ARHGAP35: variants seen among roughly 807,000 people sequenced by gnomAD.
ARHGAP35 encodes Rho GTPase activating protein 35, also known as rho GTPase-activating protein 35.
A neutral mutation model predicts 111.1 loss-of-function variants in ARHGAP35; 15 were observed. The observed-to-expected ratio is 0.13, with a 90% CI of 0.09 to 0.21. The LOEUF (loss-of-function observed/expected upper bound fraction) is 0.21. Ranked by LOEUF, ARHGAP35 falls within the 10% of genes least tolerant of loss-of-function variation. The pLI is 1.00. For missense variants in ARHGAP35, 1,262 were observed against 1,873.0 expected (o/e 0.67, Z 6.02); for synonymous variants, 643 against 710.3 (o/e 0.91, Z 1.51).
At chr19:46,928,901 C>T (rs2122212536) in intron 2 of ARHGAP35, among the ~76,000 whole-genome samples, 1 of 151,910 alleles carries the variant, frequency 6.6e-6, no homozygotes, top group Middle Eastern at 3.4e-3. Context: ...CACTGCACTC[C>T]AGCCTGGGCA....
rs898276592 is a variant in ARHGAP35 at position 46,945,175 on chromosome 19, G to C, written c.3826+7767G>C. 2.6e-5 allele frequency among the ~76,000 whole-genome samples: 4 copies of C among 151,890 alleles called. No homozygotes were observed. The highest frequency in any genetic ancestry group is 5.9e-5 in the Non-Finnish European group (4 of 67,996). On this transcript the variant is annotated intron_variant, in intron 3 of 6. Transcript: ENST00000672722. The surrounding 1 kb of genome is among the most constrained non-coding windows in gnomAD (Gnocchi z 4.1). The stretch of plus-strand genomic sequence containing the variant: ...AGAGTGGGAAGGAGGCGGGGTTGAG[G>C]GGGAGCTTAGGAGGCGGGGTTGAGG...
intron 1 of ARHGAP35, among the ~76,000 whole-genome samples, chr19:46,864,589 C>T (rs748772836): frequency 6.6e-6 from 1 of 152,192 alleles, no homozygotes; most frequent in Non-Finnish European, 1.5e-5. Context: ...AGAGTTGGAC[C>T]ATTCACTCAT....
chr19:46,866,126 C>G (rs1328404955), intron 1 of ARHGAP35, among the ~76,000 whole-genome samples: 1 of 152,218 alleles, frequency 6.6e-6, no homozygotes, highest in Non-Finnish European at 1.5e-5. Context: ...CAGGCACGAG[C>G]TACTGCGCCT....
intron 1 of ARHGAP35, among the ~76,000 whole-genome samples, chr19:46,911,329 AT>A (rs1180061154): frequency 2.0e-5 from 3 of 151,964 alleles, no homozygotes; most frequent in African/African-American, 4.8e-5. Context: ...TGGTTTGGCT[AT>A]TTTTTTTAAG....
chr19:46,864,933 C>G (rs1478320524), intron 1 of ARHGAP35, among the ~76,000 whole-genome samples: 1 of 151,970 alleles, frequency 6.6e-6, no homozygotes, highest in Non-Finnish European at 1.5e-5. Flanking sequence ...AATGTGTGTC[C>G]CAGAGTTTTA....
intron 5 of ARHGAP35, among the ~76,000 whole-genome samples, chr19:46,990,529 G>C (rs2056674302): frequency 6.6e-6 from 1 of 152,202 alleles, no homozygotes; most frequent in Non-Finnish European, 1.5e-5. Flanking sequence ...GCTGCAGAAG[G>C]GAGTGTCTCT....
rs939728443 is a variant in ARHGAP35, at chr19:46,945,143, G to A, written c.3826+7735G>A. Among the ~76,000 whole-genome samples, 1 of 152,168 alleles carries A rather than the reference G, an allele frequency of 6.6e-6. No individual in the cohort carries two copies. Among genetic ancestry groups the A allele is most frequent in the Non-Finnish European group, 1.5e-5 (1 of 68,032 alleles). ...TCACTGCCACAGCTGCTCTGGGACC[G>A]CCACTGAGAGTGGGAAGGAGGCGGG... On this transcript the variant is annotated intron_variant, in intron 3 of 6. Coordinates refer to ENST00000672722, the MANE Select transcript of ARHGAP35 (RefSeq NM_004491.5). This position sits in a 1 kb window ranked among gnomAD's most constrained non-coding sequence, Gnocchi z 4.1.
At chr19:46,879,216 G>A (rs1053609975) in intron 1 of ARHGAP35, among the ~76,000 whole-genome samples, 2 of 152,072 alleles carry the variant, frequency 1.3e-5, no homozygotes, top group African/African-American at 4.8e-5. Context: ...CCAGCTCTTC[G>A]GAAGGCCGAG....
At position 46,891,053 on chromosome 19, in the gene ARHGAP35, A is replaced by G. The variant is rs898139267; in HGVS notation, c.-188-27435A>G. ...GAGGTAGGATAGTTGGGCTTTGGAA[A>G]TCAAAATACCAGAGTTCCAAACCCA... On this transcript the variant is annotated intron_variant, in intron 1 of 6. Transcript: ENST00000672722. Among the ~76,000 whole-genome samples, 5 of 152,164 alleles carry G rather than the reference A, an allele frequency of 3.3e-5. No individual in the cohort carries two copies. In the South Asian group the frequency reaches 1.0e-3, roughly 32 times the overall value.
chr19:46,888,294 AT>A (rs2056004616), intron 1 of ARHGAP35, among the ~76,000 whole-genome samples: 3 of 64,758 alleles, frequency 4.6e-5, no homozygotes, highest in South Asian at 4.3e-4. Context: ...ATATATATAT[AT>A]ATATATATAT....
chr19:46,905,555 A>G (rs867909550), intron 1 of ARHGAP35, among the ~76,000 whole-genome samples: 2 of 103,872 alleles, frequency 1.9e-5, no homozygotes, highest in Non-Finnish European at 1.9e-5. Flanking sequence ...TTTGTATTCC[A>G]CCCCCCCCCC....
At chr19:46,991,608 C>T (rs918905432) in intron 5 of ARHGAP35, among the ~76,000 whole-genome samples, 1 of 152,182 alleles carries the variant, frequency 6.6e-6, no homozygotes, top group African/African-American at 2.4e-5. Flanking sequence ...CGGTACTCAG[C>T]GGGGGCTCCG....
intron 3 of ARHGAP35, among the ~76,000 whole-genome samples, chr19:46,956,650 A>G (rs992391990): frequency 2.0e-5 from 3 of 152,118 alleles, no homozygotes; most frequent in Non-Finnish European, 4.4e-5. Context: ...TCTGGTCCCA[A>G]CTATTTTGGT....
intron 1 of ARHGAP35, among the ~76,000 whole-genome samples, chr19:46,873,460 C>G (rs751605716): frequency 2.0e-5 from 3 of 151,764 alleles, no homozygotes; most frequent in Admixed American, 2.0e-4. Flanking sequence ...TGGTGAAACC[C>G]CATCTCTACT....
intron 1 of ARHGAP35, among the ~76,000 whole-genome samples, chr19:46,878,131 C>G (rs780597415): frequency 1.2e-4 from 18 of 152,140 alleles, no homozygotes; most frequent in Non-Finnish European, 2.2e-4. Context: ...TTAAGCGAGT[C>G]TCTCTCAGCA....
intron 3 of ARHGAP35, among the ~76,000 whole-genome samples, chr19:46,983,361 A>G (rs2056631460): frequency 6.6e-6 from 1 of 152,162 alleles, no homozygotes; most frequent in Non-Finnish European, 1.5e-5. Context: ...GAGAACTGCT[A>G]TGAAAAGGCA....
chr19:46,993,259 G>A lies in ARHGAP35; in HGVS notation c.4036+3584G>A, dbSNP rs547405140. On this transcript the variant is annotated intron_variant, in intron 5 of 6. Transcript: ENST00000672722. The surrounding 1 kb of genome is among the most constrained non-coding windows in gnomAD (Gnocchi z 4.6). The stretch of plus-strand genomic sequence containing the variant: ...GAGCCGACGCCGGACGAGCCTGCGT[G>A]ATCACTGAAGGGCTGTGACCTTGAG... Among the ~76,000 whole-genome samples the A allele has an allele frequency of 1.3e-4, 20 of 152,242 alleles. No homozygotes were observed. The South Asian group carries it at 2.5e-3, about 19-fold the overall frequency.
intron 1 of ARHGAP35, among the ~76,000 whole-genome samples, chr19:46,916,152 T>A (rs1309701358): frequency 6.6e-6 from 1 of 152,060 alleles, no homozygotes; most frequent in East Asian, 1.9e-4. Context: ...GCCAGGATGG[T>A]CTTGATCTCC....
In ARHGAP35 at chr19:46,918,920, C is replaced by T; in HGVS notation, c.245C>T (p.Ser82Phe). The change falls in exon 2 of 7, where the codon TCC becomes TTC. Residue 82 changes from serine (S) to phenylalanine (F), a missense_variant. Coordinates refer to ENST00000672722, the MANE Select transcript of ARHGAP35 (RefSeq NM_004491.5). The surrounding 1 kb of genome is among the most constrained non-coding windows in gnomAD (Gnocchi z 5.4). The part of the protein sequence containing the change: ...HFLYWGEVSR[S>F]LEDCVECKMH... ...CTCTACTGGGGAGAAGTTAGCCGCTCCCTGGAGGATTGTGTGGAATGTAAG... is the reference window on the plus strand; with the variant it reads ...CTCTACTGGGGAGAAGTTAGCCGCTTCCTGGAGGATTGTGTGGAATGTAAG... 1 of 1,613,920 alleles carries T rather than the reference C, an allele frequency of 6.2e-7. No individual in the cohort carries two copies. The highest frequency in any genetic ancestry group is 8.5e-7 in the Non-Finnish European group (1 of 1,179,896).
Sources: gnomAD v4.1 joint callset for allele counts (sites outside exome capture counted in the v4.1 genomes callset) on GRCh38, gnomAD v4.1.1 for gene constraint, Gnocchi (gnomAD v3.1) non-coding constraint, MANE v1.5 for transcripts, NCBI Gene and HGNC (gene_info 2026-07-23, HGNC 2026-07-21) for gene names.